The following MACF1 variants were observed in gnomAD, a reference collection of about 807,000 sequenced individuals.
MACF1 encodes the protein microtubule actin crosslinking factor 1, also known as microtubule-actin cross-linking factor 1.
In MACF1, 193 loss-of-function variants were observed where a neutral mutation model predicts 854.8. The observed-to-expected ratio is 0.23, with a 90% CI of 0.20 to 0.25. The LOEUF is 0.25. MACF1 is among the 10% of genes least tolerant of loss of function. The pLI is 1.00. For missense variants in MACF1, 7,722 were observed against 8,929.1 expected (o/e 0.86, Z 5.45); for synonymous variants, 3,185 against 3,226.7 (o/e 0.99, Z 0.44).
At chr1:39,194,623 G>A (rs933130834) in intron 2 of MACF1, among the ~76,000 whole-genome samples, 2 of 151,628 alleles carry the variant, frequency 1.3e-5, no homozygotes, top group South Asian at 2.1e-4. Flanking sequence ...GATTACAGGC[G>A]TGAGCCACCA....
At chr1:39,093,843 A>G (rs1274454968) in intron 2 of MACF1, among the ~76,000 whole-genome samples, 1 of 151,344 alleles carries the variant, frequency 6.6e-6, no homozygotes, top group Non-Finnish European at 1.5e-5. Context: ...GCTGGAGTGC[A>G]GTGGTGTGAA....
In MACF1 at chr1:39,138,744, A is replaced by T. The variant is rs374628923; in HGVS notation, c.220+54306A>T. Reference sequence around the variant, plus strand: ...CAATGGCGCAATCTCAGCTCACTGCAACCTCCGCCTCCCAGGTTCAAGTGA... The same window carrying T: ...CAATGGCGCAATCTCAGCTCACTGCTACCTCCGCCTCCCAGGTTCAAGTGA... On this transcript the variant is annotated intron_variant, in intron 2 of 93. Coordinates refer to the MACF1 transcript ENST00000361689. Among the ~76,000 whole-genome samples the T allele has an allele frequency of 2.6e-5, 4 of 151,778 alleles. No individual in the cohort carries two copies. The East Asian group carries it at 5.9e-4, about 22-fold the overall frequency.
rs1258720766 is a variant in MACF1, at chr1:39,325,785, G to C, written c.4478+1051G>C. Among the ~76,000 whole-genome samples the C allele has an allele frequency of 3.9e-5, 6 of 152,184 alleles. No homozygotes were observed. In the East Asian group the frequency reaches 9.6e-4, roughly 24 times the overall value. On this transcript the variant is annotated intron_variant, in intron 35 of 100. Coordinates refer to ENST00000564288, the MANE Select transcript of MACF1 (RefSeq NM_001394062.1). The stretch of plus-strand genomic sequence containing the variant: ...CAGAAAGTAAGAGAATTAGTGCCCA[G>C]TGGTCTGTATTTTCTCTTTGAAATA...
At chr1:39,321,239 C>T (rs1646510324) in intron 31 of MACF1, among the ~76,000 whole-genome samples, 1 of 152,180 alleles carries the variant, frequency 6.6e-6, no homozygotes, top group African/African-American at 2.4e-5. Context: ...TTTGAGTATG[C>T]ACTTAGACTA....
intron 1 of MACF1, among the ~76,000 whole-genome samples, chr1:39,205,688 A>G (rs1358031841): frequency 6.6e-6 from 1 of 152,116 alleles, no homozygotes; most frequent in Non-Finnish European, 1.5e-5. Context: ...CTTTGATATC[A>G]TTGATACTGT....
At chr1:39,316,334 T>C in intron 27 of MACF1, 57 bp from the exon 28 acceptor site, 1 of 1,494,040 alleles carries the variant, frequency 6.7e-7, no homozygotes, top group East Asian at 2.4e-5. Flanking sequence ...TCCAGGTATA[T>C]AACCCTGGCT....
intron 2 of MACF1, among the ~76,000 whole-genome samples, chr1:39,087,429 G>GAGAA (rs1171686032): frequency 6.6e-6 from 1 of 152,220 alleles, no homozygotes; most frequent in Non-Finnish European, 1.5e-5. Flanking sequence ...TGTCGGGGCT[G>GAGAA]AGAAACCTGC....
At chr1:39,123,201 A>T (rs968337890) in intron 2 of MACF1, among the ~76,000 whole-genome samples, 1 of 108,294 alleles carries the variant, frequency 9.2e-6, no homozygotes, top group Non-Finnish European at 1.9e-5. Context: ...ATATATATAT[A>T]AATTTTTTTT....
At chr1:39,311,114 C>A in intron 26 of MACF1, 114 bp downstream of exon 26, 1 of 1,142,176 alleles carries the variant, frequency 8.8e-7, no homozygotes, top group Non-Finnish European at 1.2e-6. Context: ...GACAGTCCTT[C>A]TCAGGAGTTC....
chr1:39,447,359 T>G, intron 80 of MACF1, 73 bp from the exon 81 acceptor site: 8 of 1,439,274 alleles, frequency 5.6e-6, no homozygotes, highest in Non-Finnish European at 7.7e-6. Context: ...ATTCATGCCT[T>G]TGTCGCTGAG....
intron 6 of MACF1, among the ~76,000 whole-genome samples, chr1:39,263,070 A>G (rs1022353251): frequency 6.7e-6 from 1 of 148,502 alleles, no homozygotes; most frequent in Admixed American, 6.9e-5. Context: ...TTGAGTATCT[A>G]TTAGCTGTTC....
chr1:39,453,608 G>GA, intron 87 of MACF1, 99 bp from the exon 88 acceptor site: 1 of 1,072,404 alleles, frequency 9.3e-7, no homozygotes, highest in East Asian at 2.4e-5. Flanking sequence ...ACACATGGAG[G>GA]AAAAAGAAAA....
Position 39,463,684 on chromosome 1 carries a change from C to T in MACF1, c.21751C>T (p.Arg7251Trp), listed in dbSNP as rs1644603184. Residue 7251 changes from arginine (R) to tryptophan (W), a missense_variant and splice_region_variant, in exon 94 of 101, where the codon CGG becomes TGG. Around this residue, in one of 15 missense-constraint regions of MACF1, gnomAD observed 153 missense variants for 342.5 expected, o/e 0.45. Transcript: ENST00000564288. Reference protein sequence around the residue: ...QVEQIGENKYRFFLGNQFGDS... With the variant: ...QVEQIGENKYWFFLGNQFGDS... ...GGAGCAGATCGGAGAGAATAAATACCGGGTAAGGAAGAGAAAAAGCAGTCC... is the reference window on the plus strand; with the variant it reads ...GGAGCAGATCGGAGAGAATAAATACTGGGTAAGGAAGAGAAAAAGCAGTCC... The T allele has an allele frequency of 2.5e-6, 4 of 1,611,850 alleles. No homozygotes were observed. The highest frequency in any genetic ancestry group is 3.4e-6 in the Non-Finnish European group (4 of 1,178,516).
chr1:39,243,438 G>A (rs1460686570), intron 2 of MACF1, among the ~76,000 whole-genome samples: 1 of 152,178 alleles, frequency 6.6e-6, no homozygotes, highest in Non-Finnish European at 1.5e-5. Flanking sequence ...ATCTCACTCT[G>A]TTGTCCAGGC....
Position 39,105,469 on chromosome 1 carries a change from C to T in MACF1, c.220+21031C>T. The T allele has an allele frequency of 9.9e-7, 1 of 1,008,902 alleles. No individual in the cohort carries two copies. The highest frequency in any genetic ancestry group is 1.2e-6 in the Non-Finnish European group (1 of 846,690). 62.5% of individuals were successfully genotyped at this position (1,008,902 alleles called of 1,614,324 possible). A position where few individuals can be genotyped will look rare whatever the true frequency, so the allele number is the denominator to read the frequency against. ...CGGACTGAGGAGCGGAGCGCGACTGCCGGGCCGGGCGAGGCGGGCGGACGG... is the reference window on the plus strand; with the variant it reads ...CGGACTGAGGAGCGGAGCGCGACTGTCGGGCCGGGCGAGGCGGGCGGACGG... On this transcript the variant is annotated intron_variant, in intron 2 of 93. Transcript: ENST00000361689. This position sits in a 1 kb window ranked among gnomAD's most constrained non-coding sequence, Gnocchi z 5.9.
chr1:39,479,704 A>G (rs966487601), intron 97 of MACF1, 94 bp from the exon 98 acceptor site: 2 of 1,020,438 alleles, frequency 2.0e-6, no homozygotes, highest in Admixed American at 2.0e-5. Context: ...TATAACTTAT[A>G]TAACTGTTAT....
At chr1:39,416,128 T>C (rs1643299710) in intron 58 of MACF1, among the ~76,000 whole-genome samples, 1 of 152,200 alleles carries the variant, frequency 6.6e-6, no homozygotes, top group Admixed American at 6.5e-5. Flanking sequence ...TTAAGAGGAT[T>C]GATTAAGATA....
chr1:39,432,263 G>T (rs1269180321), intron 66 of MACF1, among the ~76,000 whole-genome samples: 2 of 152,060 alleles, frequency 1.3e-5, no homozygotes, highest in Non-Finnish European at 2.9e-5. Flanking sequence ...CTGATTAGAG[G>T]CATCTTTCTT....
At chr1:39,263,092 A>G (rs1645184396) in intron 6 of MACF1, among the ~76,000 whole-genome samples, 1 of 152,148 alleles carries the variant, frequency 6.6e-6, no homozygotes, top group South Asian at 2.1e-4. Context: ...CACCAAGAAC[A>G]TATGCTATGT....
Sources: allele counts gnomAD v4.1 joint callset (sites outside exome capture counted in the v4.1 genomes callset), GRCh38; gene constraint gnomAD v4.1.1; regional missense constraint gnomAD v4.1.1; non-coding constraint Gnocchi (gnomAD v3.1); transcripts MANE v1.5; gene names NCBI Gene and HGNC (gene_info 2026-07-23, HGNC 2026-07-21).